Variants in GOLGA4 observed in about 807,000 individuals in gnomAD.
GOLGA4 encodes the protein golgin A4, also known as golgin subfamily A member 4.
GOLGA4 carries 169 observed loss-of-function variants against 265.9 expected under a neutral mutation model. The ratio of observed to expected loss-of-function variants is 0.64; its 90% CI spans 0.56 to 0.72. GOLGA4 has a LOEUF of 0.72. Among genes scored for constraint, GOLGA4 ranks in the 30% least tolerant of loss-of-function variants. The pLI, the probability that GOLGA4 is intolerant of heterozygous loss-of-function variation, is 0.00. For missense variants in GOLGA4, 2,482 were observed against 2,483.4 expected, an observed-to-expected ratio of 1.00 and a Z score of 0.01; for synonymous variants, 923 against 855.8, an observed-to-expected ratio of 1.08 and a Z score of -1.37.
At chr3:37,316,779 G>A (rs1026048040) in intron 11 of GOLGA4, among the ~76,000 whole-genome samples, 1 of 151,704 alleles carries the variant, frequency 6.6e-6, no homozygotes, top group Non-Finnish European at 1.5e-5. Flanking sequence ...GATAGCCTGT[G>A]TATATAATTT....
Position 37,324,402 on chromosome 3 carries a change from C to G in GOLGA4, c.2516C>G (p.Thr839Ser). The change falls in exon 14 of 24, where the codon ACC becomes AGC. Residue 839 changes from threonine (T) to serine (S), a missense_variant. This residue lies in a region of GOLGA4 where 1,536 missense variants were observed against 1,483.7 expected (regional missense o/e 1.04). Transcript: ENST00000361924. ...LDLETERILLTKQVAEVEAQK... is the reference protein window; with the variant it reads ...LDLETERILLSKQVAEVEAQK... ...TTGGAAACAGAAAGAATTCTTCTTA[C>G]CAAACAGGTTGCTGAAGTTGAAGCA... The G allele has an allele frequency of 6.2e-7, 1 of 1,614,094 alleles. No individual in the cohort carries two copies. Among genetic ancestry groups the G allele is most frequent in the East Asian group, 2.2e-5 (1 of 44,890 alleles).
At chr3:37,336,219 T>G (rs934301704) in intron 17 of GOLGA4, among the ~76,000 whole-genome samples, 1 of 152,178 alleles carries the variant, frequency 6.6e-6, no homozygotes, top group South Asian at 2.1e-4. Flanking sequence ...TTTACTTTCT[T>G]TTTTTCTTTT....
intron 17 of GOLGA4, among the ~76,000 whole-genome samples, chr3:37,336,117 T>G (rs990965114): frequency 2.6e-5 from 4 of 152,214 alleles, no homozygotes; most frequent in Non-Finnish European, 5.9e-5. Flanking sequence ...TCTGTGTCAC[T>G]TGGTAGGCAT....
In GOLGA4 at chr3:37,254,847, C is replaced by T. The variant is rs1359689396; in HGVS notation, c.162+3363C>T. On this transcript the variant is annotated intron_variant, in intron 2 of 23. Transcript: ENST00000361924. ...TTAGCTTATATATTATATATATTAGCTTATTATATTATTATTAGCTATTAT... is the reference window on the plus strand; with the variant it reads ...TTAGCTTATATATTATATATATTAGTTTATTATATTATTATTAGCTATTAT... 8.8e-5 allele frequency among the ~76,000 whole-genome samples: 13 copies of T among 147,552 alleles called. No homozygotes were observed. The East Asian group carries it at 2.3e-3, about 27-fold the overall frequency.
intron 22 of GOLGA4, among the ~76,000 whole-genome samples, chr3:37,357,259 A>C (rs926875084): frequency 2.6e-5 from 4 of 152,092 alleles, no homozygotes; most frequent in Non-Finnish European, 5.9e-5. Flanking sequence ...CTTTTCTACT[A>C]TTCCTTTAAG....
At chr3:37,357,950 T>C (rs1578874247) in intron 22 of GOLGA4, among the ~76,000 whole-genome samples, 2 of 152,326 alleles carry the variant, frequency 1.3e-5, no homozygotes, top group Admixed American at 1.3e-4. Context: ...TTTCTGTAAG[T>C]TTTTGTAACT....
intron 2 of GOLGA4, among the ~76,000 whole-genome samples, chr3:37,256,243 T>G (rs899230298): frequency 6.6e-6 from 1 of 152,198 alleles, no homozygotes; most frequent in Admixed American, 6.5e-5. Context: ...TTAATGAGTA[T>G]CGTTTTACAT....
In GOLGA4 at chr3:37,366,143, C is replaced by T; in HGVS notation, c.*97C>T. ...GGGTGACTGCTGCTTGGAAAACTGT[C>T]CACACTTGCTACTCTTTGAGAATGA... On this transcript the variant is annotated 3_prime_UTR_variant, in exon 24 of 24. Transcript: ENST00000361924. 3 of 1,476,222 alleles carry T rather than the reference C, an allele frequency of 2.0e-6. No homozygotes were observed. The highest frequency in any genetic ancestry group is 1.4e-5 in the African/African-American group (1 of 71,686). 91.4% of individuals were successfully genotyped at this position (1,476,222 alleles called of 1,614,324 possible).
chr3:37,253,792 G>T (rs1403180598), intron 2 of GOLGA4, among the ~76,000 whole-genome samples: 4 of 152,058 alleles, frequency 2.6e-5, no homozygotes, highest in Non-Finnish European at 5.9e-5. Context: ...GGAGGCCGAG[G>T]TGGGCAGATC....
chr3:37,345,489 C>G lies in GOLGA4; in HGVS notation c.6473-1704C>G, dbSNP rs116673272. On this transcript the variant is annotated intron_variant, in intron 20 of 23. Coordinates refer to ENST00000361924, the MANE Select transcript of GOLGA4 (RefSeq NM_002078.5). Reference sequence around the variant, plus strand: ...TTTAAAATGCTGAGTGATACCTAGACGAAGTTATTTGGGAAGACCCATTAG... The same window carrying G: ...TTTAAAATGCTGAGTGATACCTAGAGGAAGTTATTTGGGAAGACCCATTAG... Among the ~76,000 whole-genome samples, 24 of 152,070 alleles carry G rather than the reference C, an allele frequency of 1.6e-4. 1 individual carries two copies. The highest frequency in any genetic ancestry group is 1.6e-3 in the Admixed American group (24 of 15,272).
intron 8 of GOLGA4, 104 bp downstream of exon 8, chr3:37,299,124 G>A: frequency 9.2e-7 from 1 of 1,083,372 alleles, no homozygotes; most frequent in Non-Finnish European, 1.3e-6. Context: ...GATGGAAAGG[G>A]CATTTTTGTT....
Position 37,329,037 on chromosome 3 carries a change from G to T in GOLGA4, c.6136G>T (p.Ala2046Ser). 1 of 1,611,308 alleles carries T rather than the reference G, an allele frequency of 6.2e-7. No individual in the cohort carries two copies. The highest frequency in any genetic ancestry group is 8.5e-7 in the Non-Finnish European group (1 of 1,178,556). ...GACAAATCAGTTACTTAAAAAAATTGCTGAGAAAGATGATGATCTAAAACG... is the reference window on the plus strand; with the variant it reads ...GACAAATCAGTTACTTAAAAAAATTTCTGAGAAAGATGATGATCTAAAACG... ...EETNQLLKKI[A>S]EKDDDLKRTA... Residue 2046 changes from alanine (A) to serine (S), a missense_variant, in exon 16 of 24, where the codon GCT (alanine) becomes TCT (serine). By Grantham distance (99) the Ala-to-Ser change is moderately conservative. This residue lies in a region of GOLGA4 where 942 missense variants were observed against 983.1 expected (regional missense o/e 0.96). Transcript: ENST00000361924.
At chr3:37,347,084 AG>A (rs2097058833) in intron 20 of GOLGA4, 108 bp from the exon 21 acceptor site, 1 of 592,520 alleles carries the variant, frequency 1.7e-6, no homozygotes, top group Admixed American at 3.0e-5. Context: ...ACAATATAAA[AG>A]CATGCCTCTC....
intron 2 of GOLGA4, among the ~76,000 whole-genome samples, chr3:37,253,876 C>T (rs566852715): frequency 4.6e-5 from 7 of 151,978 alleles, no homozygotes; most frequent in Non-Finnish European, 1.0e-4. Context: ...ATTAGCCAGA[C>T]GTGGTGACAC....
intron 22 of GOLGA4, among the ~76,000 whole-genome samples, chr3:37,358,085 C>A (rs1243804246): frequency 2.0e-5 from 3 of 152,126 alleles, no homozygotes; most frequent in Admixed American, 2.0e-4. Context: ...CGAGCTGCCC[C>A]CTCTTCAAAT....
At chr3:37,334,862 A>G (rs1303522704) in intron 16 of GOLGA4, among the ~76,000 whole-genome samples, 191 bp from the exon 17 acceptor site, 3 of 152,118 alleles carry the variant, frequency 2.0e-5, no homozygotes, top group African/African-American at 7.2e-5. Flanking sequence ...CATGAAGGAA[A>G]GTGTTTAGAG....
intron 20 of GOLGA4, among the ~76,000 whole-genome samples, chr3:37,342,418 C>T (rs1372754669): frequency 6.6e-6 from 1 of 152,068 alleles, no homozygotes; most frequent in South Asian, 2.1e-4. Context: ...TTAGAAGCCC[C>T]TGTGTGTCTG....
intron 16 of GOLGA4, among the ~76,000 whole-genome samples, chr3:37,332,662 A>G (rs368122391): frequency 9.9e-5 from 15 of 152,224 alleles, no homozygotes; most frequent in East Asian, 1.9e-4. Context: ...AATTGTACCC[A>G]TTCCTCCTGT....
chr3:37,330,136 G>A (rs1387960924), intron 16 of GOLGA4, among the ~76,000 whole-genome samples: 3 of 150,410 alleles, frequency 2.0e-5, no homozygotes, highest in Non-Finnish European at 4.4e-5. Flanking sequence ...AAAAAAAAAA[G>A]TATTATTTCT....
Sources: allele counts gnomAD v4.1 joint callset (sites outside exome capture counted in the v4.1 genomes callset), GRCh38; gene constraint gnomAD v4.1.1; regional missense constraint gnomAD v4.1.1; transcripts MANE v1.5; gene names NCBI Gene and HGNC (gene_info 2026-07-23, HGNC 2026-07-21).